Variants in UNC5D observed in about 807,000 individuals in gnomAD.
UNC5D encodes the protein netrin receptor UNC5D.
In UNC5D, 39 loss-of-function variants were observed where a neutral mutation model predicts 105.4. That is an observed-to-expected ratio of 0.37 (90% confidence interval 0.29 to 0.48). The LOEUF (loss-of-function observed/expected upper bound fraction) is 0.48, where lower values mean the gene tolerates loss of function less well. Among genes scored for constraint, UNC5D ranks in the 20% least tolerant of loss-of-function variants. The pLI is 0.98. For missense variants in UNC5D, 991 were observed against 1,202.4 expected, an observed-to-expected ratio of 0.82 and a Z score of 2.60; for synonymous variants, 452 against 450.4, an observed-to-expected ratio of 1.00 and a Z score of -0.04.
chr8:35,416,006 G>A (rs10102264), intron 1 of UNC5D, among the ~76,000 whole-genome samples: 7,520 of 152,060 alleles, frequency 0.049, 212 homozygotes, highest in African/African-American at 0.073. Flanking sequence ...TAACACTTAC[G>A]TGATGCAACA....
chr8:35,367,428 G>A (rs1219337094), intron 1 of UNC5D, among the ~76,000 whole-genome samples: 3 of 152,094 alleles, frequency 2.0e-5, no homozygotes, highest in African/African-American at 4.8e-5. Flanking sequence ...AGGAACCCAG[G>A]TCTTCCCCAG....
intron 1 of UNC5D, among the ~76,000 whole-genome samples, chr8:35,483,175 G>A (rs999734975): frequency 1.3e-5 from 2 of 151,878 alleles, no homozygotes; most frequent in Admixed American, 1.3e-4. Context: ...TGGGAGTTTT[G>A]AATCTTGGTG....
intron 1 of UNC5D, among the ~76,000 whole-genome samples, chr8:35,452,599 G>A (rs1006039352): frequency 8.5e-5 from 13 of 152,092 alleles, no homozygotes; most frequent in Admixed American, 1.3e-4. Context: ...CCAAGCACCT[G>A]AGCATGCATG....
At chr8:35,778,372 T>C (rs576324474) in intron 16 of UNC5D, among the ~76,000 whole-genome samples, 8 of 152,174 alleles carry the variant, frequency 5.3e-5, no homozygotes, top group African/African-American at 1.9e-4. Context: ...ACAACAGGGA[T>C]TTTTTGGATG....
intron 1 of UNC5D, among the ~76,000 whole-genome samples, chr8:35,476,152 G>C (rs1810081319): frequency 6.6e-6 from 1 of 152,154 alleles, no homozygotes; most frequent in Admixed American, 6.5e-5. Flanking sequence ...ACTGTCTTCT[G>C]CTGTTGGGTT....
chr8:35,429,397 ACT>A (rs753996630), intron 1 of UNC5D, among the ~76,000 whole-genome samples: 1 of 151,866 alleles, frequency 6.6e-6, no homozygotes, highest in Non-Finnish European at 1.5e-5. Flanking sequence ...ACTACCACTA[ACT>A]CTCTGTTTTC....
intron 1 of UNC5D, among the ~76,000 whole-genome samples, chr8:35,357,571 GATGT>G (rs1243256794): frequency 1.3e-5 from 2 of 152,124 alleles, no homozygotes; most frequent in African/African-American, 2.4e-5. Context: ...CCCCAGGATA[GATGT>G]ATTGAATATT....
intron 1 of UNC5D, among the ~76,000 whole-genome samples, chr8:35,440,916 A>G (rs1807352804): frequency 6.6e-6 from 1 of 151,918 alleles, no homozygotes; most frequent in South Asian, 2.1e-4. Flanking sequence ...AAGACTATAC[A>G]TGTTCTGAGA....
At position 35,790,624 on chromosome 8, in the gene UNC5D, A is replaced by G; in HGVS notation, c.*61A>G. 1 of 1,581,310 alleles carries G rather than the reference A, an allele frequency of 6.3e-7. No individual in the cohort carries two copies. Among genetic ancestry groups the G allele is most frequent in the Non-Finnish European group, 8.6e-7 (1 of 1,156,324 alleles). On this transcript the variant is annotated 3_prime_UTR_variant, in exon 17 of 17. Transcript: ENST00000404895. The stretch of plus-strand genomic sequence containing the variant: ...TTGGGGACATTTGCTTTAAATGGGA[A>G]AGAGGCCGCTTTCTGCCCAGTGGCG...
At chr8:35,528,057 T>C (rs979609939) in intron 1 of UNC5D, among the ~76,000 whole-genome samples, 2 of 151,346 alleles carry the variant, frequency 1.3e-5, no homozygotes, top group African/African-American at 4.9e-5. Context: ...TTTTTTTTTT[T>C]TTTTATACTT....
At chr8:35,384,011 C>T (rs975231324) in intron 1 of UNC5D, among the ~76,000 whole-genome samples, 35 of 152,042 alleles carry the variant, frequency 2.3e-4, no homozygotes, top group Admixed American at 1.4e-3. Context: ...GTCAGGAGAT[C>T]GAGACCATCC....
intron 4 of UNC5D, among the ~76,000 whole-genome samples, chr8:35,608,160 C>T (rs1004283589): frequency 6.6e-6 from 1 of 152,184 alleles, no homozygotes; most frequent in Non-Finnish European, 1.5e-5. Context: ...TCCGATTCTA[C>T]CTCTGGCATC....
rs899691205 is a variant in UNC5D, at chr8:35,455,958, C to G, written c.104-93334C>G. ...TCAAGATGAGATTTGGGTAGGGACA[C>G]AGCCAAACCATATCCCTTGTAAAAA... is the stretch of plus-strand genomic sequence containing the variant. On this transcript the variant is annotated intron_variant, in intron 1 of 16. Coordinates refer to ENST00000404895, the MANE Select transcript of UNC5D (RefSeq NM_080872.4). Among the ~76,000 whole-genome samples the G allele has an allele frequency of 7.9e-5, 12 of 152,242 alleles. No individual in the cohort carries two copies. The East Asian group carries it at 2.3e-3, about 30-fold the overall frequency.
chr8:35,326,052 A>G (rs1328966367), intron 1 of UNC5D, among the ~76,000 whole-genome samples: 2 of 152,246 alleles, frequency 1.3e-5, no homozygotes, highest in Non-Finnish European at 2.9e-5. Context: ...ACCAGTGAGT[A>G]GAAACTTCAG....
At chr8:35,396,341 C>T (rs771628273) in intron 1 of UNC5D, among the ~76,000 whole-genome samples, 7 of 152,064 alleles carry the variant, frequency 4.6e-5, no homozygotes, top group Non-Finnish European at 7.4e-5. Flanking sequence ...GGGGCTGAGT[C>T]GGGGAAAGCA....
intron 1 of UNC5D, among the ~76,000 whole-genome samples, chr8:35,365,061 A>G (rs1802038197): frequency 6.6e-6 from 1 of 152,124 alleles, no homozygotes; most frequent in Non-Finnish European, 1.5e-5. Context: ...TCATCTTCTC[A>G]TCTTTAATTA....
chr8:35,345,474 T>A (rs987883449), intron 1 of UNC5D, among the ~76,000 whole-genome samples: 1 of 152,064 alleles, frequency 6.6e-6, no homozygotes, highest in Non-Finnish European at 1.5e-5. Flanking sequence ...CTGCTTCAAA[T>A]ACATTTGAAT....
chr8:35,604,436 T>G (rs531396633), intron 4 of UNC5D, among the ~76,000 whole-genome samples: 1 of 152,336 alleles, frequency 6.6e-6, no homozygotes, highest in African/African-American at 2.4e-5. Context: ...TGGGCTTCCC[T>G]TTGAGGGTAA....
intron 1 of UNC5D, among the ~76,000 whole-genome samples, chr8:35,517,012 G>GCATT (rs1383751504): frequency 6.6e-6 from 1 of 152,166 alleles, no homozygotes; most frequent in African/African-American, 2.4e-5. Context: ...TTAAAAACCT[G>GCATT]CATTCATTCA....
Sources: allele counts gnomAD v4.1 joint callset (sites outside exome capture counted in the v4.1 genomes callset), GRCh38; gene constraint gnomAD v4.1.1; transcripts MANE v1.5; gene names NCBI Gene and HGNC (gene_info 2026-07-23, HGNC 2026-07-21).